Variants in PRKAR1A observed in about 807,000 individuals in gnomAD.
The protein encoded by PRKAR1A is cAMP-dependent protein kinase type I-alpha regulatory subunit.
Under a neutral mutation model 52.0 loss-of-function variants are expected in PRKAR1A, and 3 were observed. The observed-to-expected ratio is 0.06, with a 90% CI of 0.03 to 0.15. PRKAR1A has a LOEUF of 0.15. Ranked by LOEUF, PRKAR1A falls within the 10% of genes least tolerant of loss-of-function variation. The pLI is 1.00. For synonymous variants in PRKAR1A, 188 were observed against 168.4 expected (o/e 1.12, Z -0.90); for missense variants, 240 against 477.4 (o/e 0.50, Z 4.63).
the PRKAR1A span, among the ~76,000 whole-genome samples, chr17:68,489,402 G>GTA: frequency 1.5e-5 from 1 of 67,366 alleles, no homozygotes. Flanking sequence ...TATATGGAAA[G>GTA]TATATATATA....
chr17:68,420,498 G>A, the PRKAR1A span: 7 of 1,592,468 alleles, frequency 4.4e-6, no homozygotes, highest in Admixed American at 1.2e-4. Flanking sequence ...AGGAGTACCT[G>A]GAAATTAGGC....
the PRKAR1A span, among the ~76,000 whole-genome samples, chr17:68,475,120 T>C: frequency 3.3e-5 from 5 of 152,288 alleles, no homozygotes; most frequent in Admixed American, 1.3e-4. Flanking sequence ...TCTTAGTGGA[T>C]TGATATGTTT....
chr17:68,430,249 A>C, the PRKAR1A span: 3 of 1,332,024 alleles, frequency 2.3e-6, no homozygotes, highest in Admixed American at 2.3e-5. Flanking sequence ...CATTAGCCAC[A>C]CTCCCCGCAG....
chr17:68,516,294 A>G (rs938184894), intron 2 of PRKAR1A, among the ~76,000 whole-genome samples: 1 of 152,198 alleles, frequency 6.6e-6, no homozygotes, highest in Non-Finnish European at 1.5e-5. Context: ...AAGCAAATGA[A>G]TGCTTCAATT....
the PRKAR1A span, chr17:68,450,818 C>T: frequency 6.2e-7 from 1 of 1,614,188 alleles, no homozygotes; most frequent in Non-Finnish European, 8.5e-7. Flanking sequence ...CGTTCATCTG[C>T]CGTGGTTTTG....
the PRKAR1A span, among the ~76,000 whole-genome samples, chr17:68,456,820 C>A: frequency 2.0e-5 from 3 of 152,210 alleles, no homozygotes; most frequent in Non-Finnish European, 4.4e-5. Flanking sequence ...GCTGGCCTGG[C>A]CGCAGGGATA....
the PRKAR1A span, among the ~76,000 whole-genome samples, chr17:68,446,824 G>A: frequency 1.3e-5 from 2 of 152,132 alleles, no homozygotes; most frequent in Non-Finnish European, 2.9e-5. Flanking sequence ...CAAGAGCTCT[G>A]ATGGCACCAT....
downstream of PRKAR1A, chr17:68,537,427 C>G (rs776401661): frequency 2.9e-5 from 47 of 1,612,434 alleles, no homozygotes; most frequent in South Asian, 5.0e-4. This position sits in a 1 kb window ranked among gnomAD's most constrained non-coding sequence, Gnocchi z 4.2. Context: ...GCACTCGAGT[C>G]GACTGCTCTG....
the PRKAR1A span, among the ~76,000 whole-genome samples, chr17:68,495,972 CTCT>C: frequency 2.8e-5 from 1 of 36,106 alleles, no homozygotes; most frequent in Non-Finnish European, 4.7e-5. Context: ...CTCTCCTCTC[CTCT>C]CTCCTCTCCT....
chr17:68,454,251 C>A, the PRKAR1A span, among the ~76,000 whole-genome samples: 59 of 152,272 alleles, frequency 3.9e-4, no homozygotes, highest in Admixed American at 2.9e-3. Flanking sequence ...AGAATCTGAC[C>A]CGGAGCACAC....
At chr17:68,466,379 G>C in the PRKAR1A span, among the ~76,000 whole-genome samples, 1 of 141,476 alleles carries the variant, frequency 7.1e-6, no homozygotes, top group Non-Finnish European at 1.5e-5. Flanking sequence ...CTTTCTGCTT[G>C]TATTGAAATG....
At chr17:68,530,033 G>T in intron 10 of PRKAR1A, 32 bp downstream of exon 10, 2 of 1,599,098 alleles carry the variant, frequency 1.3e-6, no homozygotes, top group Non-Finnish European at 1.7e-6. Flanking sequence ...ATAAATACAT[G>T]GTTTCTTTAA....
In PRKAR1A at chr17:68,531,141, C is replaced by T. The variant is rs139378311; in HGVS notation, c.*692C>T. 3.5e-5 allele frequency: 37 copies of T among 1,066,182 alleles called. No homozygotes were observed. In the African/African-American group the frequency reaches 5.1e-4, roughly 15 times the overall value. 66.0% of individuals were successfully genotyped at this position (1,066,182 alleles called of 1,614,324 possible). ...TACTTTTGAGTATGGCTATCTATACCTGCCTTTTAAGTTTGAAACTAACTC... is the reference window on the plus strand; with the variant it reads ...TACTTTTGAGTATGGCTATCTATACTTGCCTTTTAAGTTTGAAACTAACTC... On this transcript the variant is annotated 3_prime_UTR_variant, in exon 11 of 11. Transcript: ENST00000589228.
At chr17:68,473,970 C>T in the PRKAR1A span, among the ~76,000 whole-genome samples, 1 of 152,082 alleles carries the variant, frequency 6.6e-6, no homozygotes, top group African/African-American at 2.4e-5. Context: ...TATAATTTGC[C>T]ATTGTTTGGC....
the PRKAR1A span, among the ~76,000 whole-genome samples, chr17:68,444,067 T>G: frequency 6.6e-6 from 1 of 152,240 alleles, no homozygotes; most frequent in Non-Finnish European, 1.5e-5. Context: ...ATATTCTTTA[T>G]GGTTCAGATT....
chr17:68,535,357 G>A (rs752711990), downstream of PRKAR1A: 17 of 454,008 alleles, frequency 3.7e-5, no homozygotes, highest in African/African-American at 8.0e-5. Flanking sequence ...AGCAAAATGT[G>A]TATATAGGCC....
At chr17:68,495,958 TCCTCTC>T in the PRKAR1A span, among the ~76,000 whole-genome samples, 2 of 88,282 alleles carry the variant, frequency 2.3e-5, no homozygotes, top group African/African-American at 9.4e-5. Flanking sequence ...TCCTTTCCTC[TCCTCTC>T]TCCTCTCCTC....
the PRKAR1A span, among the ~76,000 whole-genome samples, chr17:68,466,586 A>G: frequency 6.6e-6 from 1 of 150,992 alleles, no homozygotes; most frequent in South Asian, 2.1e-4. Context: ...TCATTTCTAT[A>G]TTTTTAGTAG....
intron 11 of PRKAR1A, chr17:68,541,015 G>T: frequency 6.5e-7 from 1 of 1,548,940 alleles, no homozygotes; most frequent in Non-Finnish European, 8.7e-7. Flanking sequence ...GGTGTCGGGG[G>T]TCTCCCCACA....
Sources: allele counts gnomAD v4.1 joint callset (sites outside exome capture counted in the v4.1 genomes callset), GRCh38; gene constraint gnomAD v4.1.1; non-coding constraint Gnocchi (gnomAD v3.1); transcripts MANE v1.5; gene names NCBI Gene and HGNC (gene_info 2026-07-23, HGNC 2026-07-21).